Variants in TRPA1 observed in about 807,000 individuals in gnomAD.
TRPA1 encodes the protein ankyrin-like with transmembrane domains 1.
TRPA1 carries 129 observed loss-of-function variants against 131.3 expected under a neutral mutation model. The observed-to-expected ratio is 0.98, with a 90% confidence interval of 0.85 to 1.14. The LOEUF is 1.14. Ranked by LOEUF, TRPA1 falls within the 50% of genes most tolerant of loss-of-function variation. The pLI, the probability that TRPA1 is intolerant of heterozygous loss-of-function variation, is 0.00. For synonymous variants in TRPA1, 441 were observed against 451.7 expected, an observed-to-expected ratio of 0.98 and a Z score of 0.30; for missense variants, 1,304 against 1,354.2, an observed-to-expected ratio of 0.96 and a Z score of 0.58.
In TRPA1 at chr8:72,021,852, T is replaced by TAAGAGAAATAAGAAGCAAA. The variant is rs1563376777; in HGVS notation, c.*1035_*1053dup. 6.6e-6 allele frequency: 1 copy of TAAGAGAAATAAGAAGCAAA among 152,100 alleles called. No individual in the cohort carries two copies. 9.4% of individuals were successfully genotyped at this position (152,100 alleles called of 1,614,324 possible). A position where few individuals can be genotyped will look rare whatever the true frequency, so the allele number is the denominator to read the frequency against. On this transcript the variant is annotated 3_prime_UTR_variant, in exon 27 of 27. Transcript: ENST00000262209. ...AAAAATAGGAAATAAGTGAGAATTA[T>TAAGAGAAATAAGAAGCAAA]AAGAGAAATAAGAAGCAAAAACAGA...
chr8:72,027,189 T>C (rs544008646), intron 24 of TRPA1, among the ~76,000 whole-genome samples: 1 of 152,310 alleles, frequency 6.6e-6, no homozygotes, highest in African/African-American at 2.4e-5. Context: ...TCACACTTGA[T>C]TGAAAAAGAT....
At chr8:72,068,565 T>A (rs1408518521) in intron 3 of TRPA1, among the ~76,000 whole-genome samples, 1 of 152,254 alleles carries the variant, frequency 6.6e-6, no homozygotes, top group African/African-American at 2.4e-5. Flanking sequence ...TCTCATTACC[T>A]TCCTCCTTTT....
At chr8:72,058,687 G>C (rs3779754) in intron 8 of TRPA1, among the ~76,000 whole-genome samples, 55,201 of 151,906 alleles carry the variant, frequency 0.36, 10,522 homozygotes, top group East Asian at 0.55. Context: ...ATAATGCATA[G>C]TTTATGGCAT....
chr8:72,032,376 C>A (rs954662649), intron 23 of TRPA1, among the ~76,000 whole-genome samples: 1 of 152,096 alleles, frequency 6.6e-6, no homozygotes, highest in Non-Finnish European at 1.5e-5. Context: ...GCAGTCCAAG[C>A]CAACCGGAAG....
At chr8:72,052,434 T>C (rs910673203) in intron 14 of TRPA1, 165 bp downstream of exon 14, 20 of 763,008 alleles carry the variant, frequency 2.6e-5, no homozygotes, top group Non-Finnish European at 3.8e-5. Flanking sequence ...AATAAATAAA[T>C]AAAAATAAAA....
intron 10 of TRPA1, 58 bp downstream of exon 10, chr8:72,056,859 T>C: frequency 8.7e-7 from 1 of 1,152,060 alleles, no homozygotes. Context: ...ATAAACAAAA[T>C]TAGTTTATTT....
chr8:72,087,710 A>G, the TRPA1 span, among the ~76,000 whole-genome samples: 1 of 151,884 alleles, frequency 6.6e-6, no homozygotes, highest in Non-Finnish European at 1.5e-5. Context: ...TCAATGTAAC[A>G]TATTCTCACA....
intron 14 of TRPA1, 101 bp downstream of exon 14, chr8:72,052,498 T>C: frequency 6.8e-7 from 1 of 1,475,192 alleles, no homozygotes; most frequent in Non-Finnish European, 9.4e-7. Context: ...AAATTTTGAT[T>C]AATGGCTGAA....
chr8:72,022,629 CA>C lies in TRPA1; in HGVS notation c.*276del. 2.0e-6 allele frequency: 1 copy of C among 508,246 alleles called. No homozygotes were observed. Among genetic ancestry groups the C allele is most frequent in the Non-Finnish European group, 3.6e-6 (1 of 280,060 alleles). 31.5% of individuals were successfully genotyped at this position (508,246 alleles called of 1,614,324 possible). The stretch of plus-strand genomic sequence containing the variant: ...TTTTCATTAAAAATGTGTGTTCTAG[CA>C]AATTCATTTTCTACCCATTCAAATA... On this transcript the variant is annotated 3_prime_UTR_variant, in exon 27 of 27. Transcript: ENST00000262209.
chr8:72,037,838 T>G (rs1812108231), intron 20 of TRPA1, 145 bp downstream of exon 20: 2 of 631,308 alleles, frequency 3.2e-6, no homozygotes, highest in South Asian at 1.9e-5. Context: ...TTTGAAACAT[T>G]TATGCTTGGT....
At chr8:72,055,876 C>T in intron 10 of TRPA1, 21 bp from the exon 11 acceptor site, 3 of 1,611,222 alleles carry the variant, frequency 1.9e-6, no homozygotes, top group East Asian at 2.2e-5. Flanking sequence ...AAATTAATAT[C>T]ATACAAATAA....
At chr8:72,080,678 A>G in the TRPA1 span, among the ~76,000 whole-genome samples, 1 of 151,920 alleles carries the variant, frequency 6.6e-6, no homozygotes, top group South Asian at 2.1e-4. Flanking sequence ...AGAATTCACC[A>G]GTGCAGGCCT....
chr8:72,078,464 G>A (rs967004641), upstream of TRPA1, among the ~76,000 whole-genome samples: 5 of 152,160 alleles, frequency 3.3e-5, no homozygotes, highest in Non-Finnish European at 7.4e-5. Context: ...TATCTCTATA[G>A]TTTAGCCTTC....
intron 17 of TRPA1, among the ~76,000 whole-genome samples, chr8:72,043,044 T>G (rs1812308159): frequency 6.6e-6 from 1 of 151,874 alleles, no homozygotes; most frequent in Non-Finnish European, 1.5e-5. Context: ...GTTAAGACAG[T>G]AAATTTAACT....
chr8:72,050,078 T>C (rs1805459948), intron 15 of TRPA1, among the ~76,000 whole-genome samples: 2 of 152,194 alleles, frequency 1.3e-5, no homozygotes, highest in Admixed American at 1.3e-4. Flanking sequence ...TTTATCCTAA[T>C]GCTATCACTC....
intron 13 of TRPA1, chr8:72,053,551 A>G: frequency 1.7e-6 from 1 of 594,580 alleles, no homozygotes; most frequent in Non-Finnish European, 3.0e-6. Context: ...GGTTTCCCCA[A>G]CATTCACCCA....
chr8:72,033,946 G>T, intron 22 of TRPA1, 120 bp from the exon 23 acceptor site: 1 of 966,966 alleles, frequency 1.0e-6, no homozygotes. Flanking sequence ...TAGGCATATA[G>T]CTGTTGAAAT....
intron 1 of TRPA1, 41 bp downstream of exon 1, chr8:72,075,258 G>A (rs928877278): frequency 3.2e-5 from 49 of 1,509,070 alleles, no homozygotes; most frequent in Non-Finnish European, 4.3e-5. Context: ...ACCCCCGCCC[G>A]CACGTCGGAA....
Position 72,061,611 on chromosome 8 carries a change from G to A in TRPA1, c.944+14C>T. 2 of 1,613,748 alleles carry A rather than the reference G, an allele frequency of 1.2e-6. No homozygotes were observed. Among genetic ancestry groups the A allele is most frequent in the Non-Finnish European group, 1.7e-6 (2 of 1,179,788 alleles). ...TGAAAAATCTGTATACAGAATGATA[G>A]GTAGGAAACTTGCCTGTGAAGCATG... is the stretch of plus-strand genomic sequence containing the variant. On this transcript the variant is annotated intron_variant, in intron 7 of 26. Transcript: ENST00000262209.
Sources: allele counts gnomAD v4.1 joint callset (sites outside exome capture counted in the v4.1 genomes callset), GRCh38; gene constraint gnomAD v4.1.1; transcripts MANE v1.5; gene names NCBI Gene and HGNC (gene_info 2026-07-23, HGNC 2026-07-21).